SLC17A1: variants seen among roughly 807,000 people sequenced by gnomAD.
SLC17A1 encodes sodium-dependent phosphate transport protein 1.
In SLC17A1, 51 loss-of-function variants were observed where a neutral mutation model predicts 53.5. That is an observed-to-expected ratio of 0.95 (90% CI 0.76 to 1.20). The LOEUF is 1.20. Among genes scored for constraint, SLC17A1 ranks in the 50% most tolerant of loss-of-function variants. The pLI, the probability that SLC17A1 is intolerant of heterozygous loss-of-function variation, is 0.00. For missense variants in SLC17A1, 538 were observed against 568.2 expected (o/e 0.95, Z 0.54); for synonymous variants, 179 against 198.8 (o/e 0.90, Z 0.84).
downstream of SLC17A1, among the ~76,000 whole-genome samples, chr6:25,782,343 T>C (rs776274307): frequency 1.3e-5 from 2 of 152,224 alleles, no homozygotes; most frequent in African/African-American, 2.4e-5. Flanking sequence ...TTCCTCTACA[T>C]AGTCTGAAGA....
At chr6:25,825,947 T>C (rs533126695) in intron 3 of SLC17A1, among the ~76,000 whole-genome samples, 1 of 152,192 alleles carries the variant, frequency 6.6e-6, no homozygotes, top group African/African-American at 2.4e-5. Flanking sequence ...AAGCATTCTT[T>C]GTTATAATTT....
chr6:25,775,648 G>C, the SLC17A1 span, among the ~76,000 whole-genome samples: 2 of 151,930 alleles, frequency 1.3e-5, no homozygotes, highest in East Asian at 3.9e-4. Flanking sequence ...GGCTGGTCTC[G>C]AACTCCTGAG....
At chr6:25,725,017 G>GA in the SLC17A1 span, among the ~76,000 whole-genome samples, 1 of 32,614 alleles carries the variant, frequency 3.1e-5, no homozygotes, top group Non-Finnish European at 5.9e-5. Flanking sequence ...GTAACCAAAT[G>GA]ATTTTTTTTT....
intron 10 of SLC17A1, among the ~76,000 whole-genome samples, chr6:25,801,462 C>G (rs938205663): frequency 3.3e-5 from 5 of 152,118 alleles, no homozygotes; most frequent in Non-Finnish European, 7.4e-5. Context: ...AAGCTCAAAC[C>G]AATTCCAGCA....
intron 10 of SLC17A1, among the ~76,000 whole-genome samples, chr6:25,808,380 C>A (rs897347838): frequency 1.3e-5 from 2 of 151,790 alleles, no homozygotes; most frequent in Non-Finnish European, 2.9e-5. Context: ...ATAAAAAAAA[C>A]CACCTATTGG....
At chr6:25,725,669 G>A in the SLC17A1 span, among the ~76,000 whole-genome samples, 2 of 152,050 alleles carry the variant, frequency 1.3e-5, no homozygotes, top group Non-Finnish European at 2.9e-5. Context: ...ATCAATCTTC[G>A]TTCACTGTAA....
chr6:25,818,897 A>C (rs1413886869), intron 6 of SLC17A1, among the ~76,000 whole-genome samples, 171 bp downstream of exon 6: 2 of 152,244 alleles, frequency 1.3e-5, no homozygotes, highest in Non-Finnish European at 2.9e-5. Flanking sequence ...CCTAAGCATA[A>C]TACCTTGCTT....
the SLC17A1 span, chr6:25,732,474 G>A: frequency 2.8e-6 from 1 of 361,728 alleles, no homozygotes; most frequent in Admixed American, 3.7e-5. Flanking sequence ...TCGGGGGAAG[G>A]GTACGCGCTA....
At chr6:25,724,008 A>G in the SLC17A1 span, among the ~76,000 whole-genome samples, 1 of 152,242 alleles carries the variant, frequency 6.6e-6, no homozygotes, top group Non-Finnish European at 1.5e-5. Context: ...AGAATGTTCT[A>G]TCTGTAAAAC....
chr6:25,775,647 C>T, the SLC17A1 span, among the ~76,000 whole-genome samples: 2 of 151,968 alleles, frequency 1.3e-5, no homozygotes, highest in African/African-American at 2.4e-5. Context: ...AGGCTGGTCT[C>T]GAACTCCTGA....
At position 25,826,444 on chromosome 6, in the gene SLC17A1, G is replaced by A; in HGVS notation, c.207+17C>T. On this transcript the variant is annotated intron_variant, in intron 3 of 12. Coordinates refer to ENST00000244527, the MANE Select transcript of SLC17A1 (RefSeq NM_005074.5). ...AGGCTTTTAAACATTTGACTGTGGG[G>A]AAAATTATTGATGTACCTTTATATT... The A allele has an allele frequency of 6.3e-7, 1 of 1,577,576 alleles. No homozygotes were observed.
At chr6:25,805,886 CCAACAACAA>C (rs373740774) in intron 10 of SLC17A1, among the ~76,000 whole-genome samples, 4 of 151,334 alleles carry the variant, frequency 2.6e-5, no homozygotes, top group African/African-American at 7.3e-5. Flanking sequence ...TAAAAAATTG[CCAACAACAA>C]CAACAACAAC....
At chr6:25,789,444 T>G (rs564597469) in intron 12 of SLC17A1, among the ~76,000 whole-genome samples, 10 of 151,814 alleles carry the variant, frequency 6.6e-5, no homozygotes, top group South Asian at 6.3e-4. Context: ...TTCCAAAGTA[T>G]GTAAATATTT....
At chr6:25,811,610 GT>G in intron 9 of SLC17A1, 27 bp downstream of exon 9, 1 of 1,613,816 alleles carries the variant, frequency 6.2e-7, no homozygotes, top group Non-Finnish European at 8.5e-7. Context: ...TATCTCCCAA[GT>G]GCTTAAATGT....
At chr6:25,723,807 A>T in the SLC17A1 span, among the ~76,000 whole-genome samples, 1 of 152,170 alleles carries the variant, frequency 6.6e-6, no homozygotes, top group Non-Finnish European at 1.5e-5. Flanking sequence ...TTGGGGGGGA[A>T]AATAAGTCAA....
At chr6:25,727,621 C>T in the SLC17A1 span, among the ~76,000 whole-genome samples, 6 of 151,740 alleles carry the variant, frequency 4.0e-5, no homozygotes, top group Non-Finnish European at 7.4e-5. Context: ...CAAACTCGAT[C>T]TGGTGATCAC....
chr6:25,742,459 A>G, the SLC17A1 span, among the ~76,000 whole-genome samples: 1 of 149,862 alleles, frequency 6.7e-6, no homozygotes, highest in Admixed American at 6.7e-5. Context: ...CATGAAGACT[A>G]GCCTGGGCAA....
At position 25,813,181 on chromosome 6, in the gene SLC17A1, A is replaced by C. The variant is rs1447987114; in HGVS notation, c.649T>G (p.Phe217Val). 4 of 1,614,158 alleles carry C rather than the reference A, an allele frequency of 2.5e-6. No individual in the cohort carries two copies. The highest frequency in any genetic ancestry group is 3.4e-6 in the Non-Finnish European group (4 of 1,180,014). The change falls in exon 7 of 13, where the codon TTC becomes GTC. Residue 217 changes from phenylalanine to valine, a missense_variant. Physicochemically the swap from Phe to Val is conservative, Grantham distance 50. Coordinates refer to ENST00000244527, the MANE Select transcript of SLC17A1 (RefSeq NM_005074.5). ...ACGCAVCLLW[F>V]VLFYDDPKDH... Reference sequence around the variant, plus strand: ...TTGGGGTCATCATAAAACAGAACGAACCAGAGAAGACATACGGCACAGCCA... The same window carrying C: ...TTGGGGTCATCATAAAACAGAACGACCCAGAGAAGACATACGGCACAGCCA...
intron 12 of SLC17A1, among the ~76,000 whole-genome samples, chr6:25,786,470 C>T (rs573763288): frequency 6.6e-5 from 10 of 152,218 alleles, no homozygotes; most frequent in African/African-American, 2.2e-4. Context: ...AGGCTACATG[C>T]GTGTTTCCCA....
Sources: allele counts gnomAD v4.1 joint callset (sites outside exome capture counted in the v4.1 genomes callset), GRCh38; gene constraint gnomAD v4.1.1; transcripts MANE v1.5; gene names NCBI Gene and HGNC (gene_info 2026-07-23, HGNC 2026-07-21).